Variants in ADGRL2 observed in about 807,000 individuals in gnomAD.
The protein encoded by ADGRL2 is calcium-independent alpha-latrotoxin receptor 2.
Under a neutral mutation model 157.4 loss-of-function variants are expected in ADGRL2, and 44 were observed. The ratio of observed to expected loss-of-function variants is 0.28; its 90% CI spans 0.22 to 0.36. The LOEUF (loss-of-function observed/expected upper bound fraction) is 0.36. ADGRL2 is among the 10% of genes least tolerant of loss of function. The probability of loss-of-function intolerance (pLI) is 1.00; values close to 1 mark genes in which losing one functional copy is unlikely to be tolerated. For missense variants in ADGRL2, 1,510 were observed against 1,768.9 expected, an observed-to-expected ratio of 0.85 and a Z score of 2.63; for synonymous variants, 585 against 624.7, an observed-to-expected ratio of 0.94 and a Z score of 0.95.
intron 2 of ADGRL2, among the ~76,000 whole-genome samples, chr1:81,903,717 A>T (rs1332840268): frequency 6.9e-6 from 1 of 145,454 alleles, no homozygotes; most frequent in Non-Finnish European, 1.5e-5. Flanking sequence ...TATATTCATT[A>T]TATATATATA....
chr1:81,605,924 A>G (rs1178716202), intron 3 of ADGRL2, among the ~76,000 whole-genome samples: 5 of 152,214 alleles, frequency 3.3e-5, no homozygotes, highest in Non-Finnish European at 5.9e-5. Flanking sequence ...TTGATGACTA[A>G]AATTTTAAAA....
At chr1:81,407,038 C>A (rs972577164) in intron 1 of ADGRL2, among the ~76,000 whole-genome samples, 2 of 152,150 alleles carry the variant, frequency 1.3e-5, no homozygotes, top group African/African-American at 4.8e-5. Flanking sequence ...CGTCTGGTGT[C>A]TCTGGAAGAA....
At chr1:81,596,295 C>G (rs1419823751) in intron 3 of ADGRL2, 2 of 557,846 alleles carry the variant, frequency 3.6e-6, no homozygotes, top group Admixed American at 4.1e-5. Flanking sequence ...AGAACCTTCA[C>G]CACAAGGATT....
At position 81,991,276 on chromosome 1, in the gene ADGRL2, G is replaced by T; in HGVS notation, c.*131G>T. The T allele has an allele frequency of 1.2e-6, 1 of 813,520 alleles. No homozygotes were observed. Among genetic ancestry groups the T allele is most frequent in the Non-Finnish European group, 1.9e-6 (1 of 523,172 alleles). 50.4% of individuals were successfully genotyped at this position (813,520 alleles called of 1,614,324 possible). The stretch of plus-strand genomic sequence containing the variant: ...ACCTGTGGTTCTCTGGTGTAAAAAA[G>T]ATGACTGAACCTTGCAGTTCTGTGA... On this transcript the variant is annotated 3_prime_UTR_variant, in exon 24 of 24. Coordinates refer to ENST00000686636, the MANE Select transcript of ADGRL2 (RefSeq NM_001366006.2).
Position 81,359,074 on chromosome 1 carries a change from T to TA in ADGRL2, c.-302+52573dup, listed in dbSNP as rs200585753. Among the ~76,000 whole-genome samples, 625 of 151,758 alleles carry TA rather than the reference T, an allele frequency of 4.1e-3. 2 individuals are homozygous for TA. The highest frequency in any genetic ancestry group is 0.013 in the African/African-American group (546 of 41,386). On this transcript the variant is annotated intron_variant, in intron 1 of 24. Transcript: ENST00000370721. Reference sequence around the variant, plus strand: ...GGTTCTGCCAAAGAGGTTTAAAATTTAAAAAAAATTAAAAAAAAGAAAGAA... The same window carrying TA: ...GGTTCTGCCAAAGAGGTTTAAAATTTAAAAAAAAATTAAAAAAAAGAAAGAA...
chr1:81,421,795 T>C (rs917606728), intron 1 of ADGRL2, among the ~76,000 whole-genome samples: 9 of 152,180 alleles, frequency 5.9e-5, no homozygotes, highest in African/African-American at 2.2e-4. Flanking sequence ...GTTGCCTCTT[T>C]TTGGCATACA....
intron 1 of ADGRL2, among the ~76,000 whole-genome samples, chr1:81,440,616 A>T (rs1440642162): frequency 6.6e-6 from 1 of 152,188 alleles, no homozygotes; most frequent in East Asian, 1.9e-4. Context: ...CTACAGTTCC[A>T]GCTACTTACT....
intron 3 of ADGRL2, chr1:81,596,278 A>C: frequency 1.8e-6 from 1 of 570,884 alleles, no homozygotes; most frequent in Non-Finnish European, 3.4e-6. Flanking sequence ...AAATGATCCC[A>C]TGTCTTAGAA....
At chr1:81,638,179 T>C (rs2082150233) in intron 3 of ADGRL2, among the ~76,000 whole-genome samples, 1 of 152,090 alleles carries the variant, frequency 6.6e-6, no homozygotes, top group African/African-American at 2.4e-5. Flanking sequence ...TTGAATTCTG[T>C]ACCCTGCAAA....
intron 1 of ADGRL2, among the ~76,000 whole-genome samples, chr1:81,323,852 A>T (rs1660700858): frequency 6.6e-6 from 1 of 152,146 alleles, no homozygotes; most frequent in African/African-American, 2.4e-5. Flanking sequence ...TAAAGTAGAA[A>T]AGAGCTTGGT....
At chr1:81,449,319 G>T (rs954153603) in intron 2 of ADGRL2, among the ~76,000 whole-genome samples, 1 of 152,182 alleles carries the variant, frequency 6.6e-6, no homozygotes, top group Admixed American at 6.5e-5. Context: ...TATTATCCAG[G>T]GTCTGTGTAA....
intron 2 of ADGRL2, among the ~76,000 whole-genome samples, chr1:81,897,836 A>G (rs396646): frequency 0.067 from 10,215 of 152,218 alleles, 1,033 homozygotes; most frequent in African/African-American, 0.22. Context: ...ACTATTTTGT[A>G]TTTAAGTTGA....
intron 1 of ADGRL2, among the ~76,000 whole-genome samples, chr1:81,407,161 C>A (rs750943735): frequency 2.0e-5 from 3 of 152,154 alleles, no homozygotes; most frequent in Non-Finnish European, 2.9e-5. Context: ...ATAAGGACCA[C>A]CCTATTGTTC....
At chr1:81,613,734 A>T (rs534072639) in intron 3 of ADGRL2, among the ~76,000 whole-genome samples, 4 of 152,346 alleles carry the variant, frequency 2.6e-5, no homozygotes, top group African/African-American at 9.6e-5. Flanking sequence ...AGGGTGATCC[A>T]ATGGTATAAA....
chr1:81,337,419 C>T lies in ADGRL2; in HGVS notation c.-302+30910C>T, dbSNP rs1271777652. Among the ~76,000 whole-genome samples the T allele has an allele frequency of 1.3e-5, 2 of 152,170 alleles. 1 individual carries two copies. Among genetic ancestry groups the T allele is most frequent in the African/African-American group, 4.8e-5 (2 of 41,444 alleles). On this transcript the variant is annotated intron_variant, in intron 1 of 24. Transcript: ENST00000370721. ...TGCCCCGAAGCGCTCATCCCAGACC[C>T]TGCACTCGCTCACCTTCGTGCTCCC...
At chr1:81,860,666 C>T (rs924366858) in intron 2 of ADGRL2, among the ~76,000 whole-genome samples, 2 of 152,124 alleles carry the variant, frequency 1.3e-5, no homozygotes, top group South Asian at 2.1e-4. Flanking sequence ...ATTTTGGATT[C>T]TCTGAGTCTA....
intron 1 of ADGRL2, among the ~76,000 whole-genome samples, chr1:81,396,080 T>A (rs963662903): frequency 2.6e-5 from 4 of 152,144 alleles, no homozygotes; most frequent in Non-Finnish European, 5.9e-5. Flanking sequence ...TTGCATTGAA[T>A]CTATAGATCA....
At chr1:81,394,764 G>A (rs1175078882) in intron 1 of ADGRL2, among the ~76,000 whole-genome samples, 1 of 151,962 alleles carries the variant, frequency 6.6e-6, no homozygotes, top group Non-Finnish European at 1.5e-5. Flanking sequence ...ATCTCTAGTT[G>A]AATTTTTTTC....
At chr1:81,874,966 C>G (rs1337854631) in intron 2 of ADGRL2, among the ~76,000 whole-genome samples, 5 of 152,138 alleles carry the variant, frequency 3.3e-5, no homozygotes, top group Admixed American at 1.3e-4. Context: ...CTCAGCCTCC[C>G]AATGTGCTGG....
Sources: gnomAD v4.1 joint callset for allele counts (sites outside exome capture counted in the v4.1 genomes callset) on GRCh38, gnomAD v4.1.1 for gene constraint, MANE v1.5 for transcripts, NCBI Gene and HGNC (gene_info 2026-07-23, HGNC 2026-07-21) for gene names.